ATAD2B: variants seen among roughly 807,000 people sequenced by gnomAD.
ATAD2B encodes the protein ATPase family AAA domain-containing protein 2B.
ATAD2B carries 40 observed loss-of-function variants against 167.6 expected under a neutral mutation model. The ratio of observed to expected loss-of-function variants is 0.24; its 90% CI spans 0.19 to 0.31. The LOEUF is 0.31. ATAD2B is among the 10% of genes least tolerant of loss of function. ATAD2B has a pLI of 1.00. For missense variants in ATAD2B, 1,242 were observed against 1,757.2 expected (o/e 0.71, Z 5.24); for synonymous variants, 579 against 596.5 (o/e 0.97, Z 0.43).
chr2:23,916,057 G>T (rs1703002668), intron 1 of ATAD2B, among the ~76,000 whole-genome samples: 1 of 151,800 alleles, frequency 6.6e-6, no homozygotes, highest in South Asian at 2.1e-4. Flanking sequence ...TTGTAACATA[G>T]TTTTATACCT....
intron 1 of ATAD2B, among the ~76,000 whole-genome samples, chr2:23,906,348 A>AG (rs1249023419): frequency 6.6e-6 from 1 of 152,158 alleles, no homozygotes; most frequent in Non-Finnish European, 1.5e-5. Flanking sequence ...CTCAAAAAAA[A>AG]AAGAAAGGTC....
the ATAD2B span, among the ~76,000 whole-genome samples, chr2:23,706,237 G>A: frequency 4.6e-5 from 7 of 152,314 alleles, no homozygotes; most frequent in East Asian, 1.9e-4. Context: ...TCACTCTGGC[G>A]GGGCAGGGAG....
At chr2:23,910,177 T>G (rs1422442440) in intron 1 of ATAD2B, among the ~76,000 whole-genome samples, 2 of 147,870 alleles carry the variant, frequency 1.4e-5, no homozygotes, top group African/African-American at 2.5e-5. Context: ...CATACTCTTT[T>G]TTTTTTTTTT....
At chr2:23,888,204 A>G (rs1698970927) in intron 3 of ATAD2B, 146 bp downstream of exon 3, 6 of 714,636 alleles carry the variant, frequency 8.4e-6, no homozygotes, top group Non-Finnish European at 9.1e-6. Context: ...TAACAATTAC[A>G]TACTTTTTTT....
intron 20 of ATAD2B, among the ~76,000 whole-genome samples, chr2:23,787,235 A>G (rs947168659): frequency 2.0e-5 from 3 of 152,100 alleles, no homozygotes; most frequent in Non-Finnish European, 4.4e-5. Flanking sequence ...ATTTCCCCTG[A>G]TATCACACTA....
At chr2:23,849,183 T>C (rs1016804870) in intron 13 of ATAD2B, among the ~76,000 whole-genome samples, 1 of 152,038 alleles carries the variant, frequency 6.6e-6, no homozygotes, top group South Asian at 2.1e-4. Flanking sequence ...TAAGAGACAA[T>C]GCAATTAAGA....
intron 1 of ATAD2B, among the ~76,000 whole-genome samples, chr2:23,924,614 T>C (rs1704447754): frequency 6.6e-6 from 1 of 152,204 alleles, no homozygotes; most frequent in South Asian, 2.1e-4. Context: ...GATGACTACA[T>C]CATCTCCTAG....
downstream of ATAD2B, among the ~76,000 whole-genome samples, chr2:23,747,612 C>T (rs952143288): frequency 6.6e-5 from 10 of 152,056 alleles, no homozygotes; most frequent in Non-Finnish European, 1.5e-4. Flanking sequence ...GTTATTGTGT[C>T]CCTTCTGTTA....
the ATAD2B span, among the ~76,000 whole-genome samples, chr2:23,718,911 T>G: frequency 4.6e-5 from 7 of 152,194 alleles, no homozygotes; most frequent in African/African-American, 1.7e-4. Flanking sequence ...CTCCTGTCTC[T>G]CTCCCATGAG....
the ATAD2B span, among the ~76,000 whole-genome samples, chr2:23,682,992 C>T: frequency 1.3e-5 from 2 of 152,236 alleles, no homozygotes; most frequent in East Asian, 1.9e-4. This position sits in a 1 kb window ranked among gnomAD's most constrained non-coding sequence, Gnocchi z 4.1. Context: ...CCTTGGTCTT[C>T]AGCAGAGCCC....
chr2:23,685,127 T>A, the ATAD2B span, among the ~76,000 whole-genome samples: 1 of 152,256 alleles, frequency 6.6e-6, no homozygotes, highest in African/African-American at 2.4e-5. Context: ...ACCGGCGCTG[T>A]GGAGCATAGA....
intron 15 of ATAD2B, among the ~76,000 whole-genome samples, chr2:23,827,064 G>A (rs1043277594): frequency 2.6e-5 from 4 of 151,850 alleles, no homozygotes; most frequent in South Asian, 2.1e-4. Flanking sequence ...TTTCACGCCC[G>A]TTTGAAGATC....
chr2:23,738,034 A>C, the ATAD2B span, among the ~76,000 whole-genome samples: 3 of 152,222 alleles, frequency 2.0e-5, no homozygotes, highest in Non-Finnish European at 4.4e-5. Flanking sequence ...AGCCTCCAAG[A>C]AATATGGGAC....
chr2:23,731,330 C>T, the ATAD2B span, among the ~76,000 whole-genome samples: 3 of 152,108 alleles, frequency 2.0e-5, no homozygotes, highest in Non-Finnish European at 4.4e-5. Context: ...CTCTTGGTAG[C>T]ATTTTCTACT....
chr2:23,823,694 T>C (rs572246639), intron 15 of ATAD2B, 125 bp from the exon 16 acceptor site: 677 of 828,920 alleles, frequency 8.2e-4, no homozygotes, highest in Non-Finnish European at 1.1e-3. Flanking sequence ...CTATGTGCAA[T>C]TTTACCAGCA....
At position 23,829,576 on chromosome 2, in the gene ATAD2B, C is replaced by A. The variant is rs377128060; in HGVS notation, c.1729-637G>T. On this transcript the variant is annotated intron_variant, in intron 14 of 27. Transcript: ENST00000238789. Reference sequence around the variant, plus strand: ...GACTAGCCTGGACAACATAGTGACACCCTGTCTCTACAAAAAAATTGTTTT... The same window carrying A: ...GACTAGCCTGGACAACATAGTGACAACCTGTCTCTACAAAAAAATTGTTTT... Among the ~76,000 whole-genome samples, 5 of 152,206 alleles carry A rather than the reference C, an allele frequency of 3.3e-5. No homozygotes were observed. The South Asian group carries it at 8.3e-4, about 25-fold the overall frequency.
intron 14 of ATAD2B, among the ~76,000 whole-genome samples, chr2:23,829,944 A>G (rs952920197): frequency 2.0e-5 from 3 of 152,120 alleles, no homozygotes; most frequent in Non-Finnish European, 4.4e-5. Flanking sequence ...CAAAATTTTA[A>G]TGTCTTGCTT....
downstream of ATAD2B, among the ~76,000 whole-genome samples, chr2:23,744,553 T>G (rs1674701669): frequency 6.6e-6 from 1 of 152,202 alleles, no homozygotes; most frequent in African/African-American, 2.4e-5. Flanking sequence ...TTACATATAT[T>G]CACTCAAATA....
In ATAD2B at chr2:23,869,622, CT is replaced by C. The variant is rs1284079692; in HGVS notation, c.1076+40del. On this transcript the variant is annotated intron_variant, in intron 9 of 27. Transcript: ENST00000238789. The stretch of plus-strand genomic sequence containing the variant: ...ATCACTCAAAAAAAACTTATTTTTC[CT>C]TTTTTCTACCATGGAAATAACATTA... 6.3e-6 allele frequency: 9 copies of C among 1,420,736 alleles called. No individual in the cohort carries two copies. In the Admixed American group the frequency reaches 7.9e-5, roughly 13 times the overall value. The allele number at this position is 1,420,736 out of a possible 1,614,324, so 88.0% of individuals were successfully genotyped here.
Sources: allele counts gnomAD v4.1 joint callset (sites outside exome capture counted in the v4.1 genomes callset), GRCh38; gene constraint gnomAD v4.1.1; non-coding constraint Gnocchi (gnomAD v3.1); transcripts MANE v1.5; gene names NCBI Gene and HGNC (gene_info 2026-07-23, HGNC 2026-07-21).